Variants in COG3 observed in about 807,000 individuals in gnomAD.
COG3 encodes component of oligomeric golgi complex 3, also known as conserved oligomeric Golgi complex subunit 3.
COG3 carries 32 observed loss-of-function variants against 114.1 expected under a neutral mutation model. That is an observed-to-expected ratio of 0.28 (90% confidence interval 0.21 to 0.38). The LOEUF (loss-of-function observed/expected upper bound fraction) is 0.38, where lower values mean the gene tolerates loss of function less well. Ranked by LOEUF, COG3 falls within the 10% of genes least tolerant of loss-of-function variation. The pLI, the probability that COG3 is intolerant of heterozygous loss-of-function variation, is 1.00. For missense variants in COG3, 813 were observed against 973.2 expected (o/e 0.84, Z 2.19); for synonymous variants, 352 against 365.7 (o/e 0.96, Z 0.43).
chr13:45,480,099 A>C (rs758787509), intron 3 of COG3, 26 bp from the exon 4 acceptor site: 1 of 1,560,780 alleles, frequency 6.4e-7, no homozygotes, highest in Non-Finnish European at 8.7e-7. Flanking sequence ...GATTATTGCC[A>C]ATCCCCTTTT....
chr13:45,480,073 G>C, intron 3 of COG3, 52 bp from the exon 4 acceptor site: 6 of 1,480,108 alleles, frequency 4.1e-6, no homozygotes, highest in Non-Finnish European at 5.5e-6. Context: ...TTTTTACTGT[G>C]CTTATTGGGG....
At chr13:45,483,168 T>C in intron 6 of COG3, 62 bp from the exon 7 acceptor site, 1 of 1,372,758 alleles carries the variant, frequency 7.3e-7, no homozygotes, top group Non-Finnish European at 1.0e-6. Flanking sequence ...TGGTTTTCAC[T>C]AAAAGCTTGC....
At chr13:45,515,090 A>C (rs982560060) in intron 16 of COG3, among the ~76,000 whole-genome samples, 6 of 152,266 alleles carry the variant, frequency 3.9e-5, no homozygotes, top group African/African-American at 1.4e-4. Context: ...GCTGGATTAC[A>C]ATAGCTTTAG....
At chr13:45,473,235 C>CA (rs1311072432) in intron 1 of COG3, among the ~76,000 whole-genome samples, 1 of 152,166 alleles carries the variant, frequency 6.6e-6, no homozygotes, top group Non-Finnish European at 1.5e-5. Context: ...CCAGTGCTTG[C>CA]AGCCTGTCTC....
At chr13:45,519,427 A>C (rs969302558) in intron 19 of COG3, among the ~76,000 whole-genome samples, 4 of 152,208 alleles carry the variant, frequency 2.6e-5, no homozygotes, top group African/African-American at 9.7e-5. Flanking sequence ...CCTGCATGGC[A>C]GCAACCACAG....
intron 4 of COG3, among the ~76,000 whole-genome samples, chr13:45,480,573 T>C (rs1886187564): frequency 1.3e-5 from 2 of 152,260 alleles, no homozygotes; most frequent in South Asian, 2.1e-4. Flanking sequence ...ACTGACACTT[T>C]TATTTTTTAT....
chr13:45,506,556 A>G (rs1870173097), intron 14 of COG3, among the ~76,000 whole-genome samples: 2 of 152,160 alleles, frequency 1.3e-5, no homozygotes, highest in African/African-American at 2.4e-5. Context: ...TGCGAGTATT[A>G]AGAAAATCTG....
intron 15 of COG3, 98 bp downstream of exon 15, chr13:45,509,914 T>A: frequency 1.6e-6 from 2 of 1,229,058 alleles, no homozygotes; most frequent in Non-Finnish European, 2.2e-6. Flanking sequence ...TGGATATTCT[T>A]AAAATCATGA....
chr13:45,495,402 G>C (rs1007108822), intron 12 of COG3, among the ~76,000 whole-genome samples: 3 of 151,842 alleles, frequency 2.0e-5, no homozygotes, highest in Admixed American at 2.0e-4. Context: ...TTTTGAGACA[G>C]GGTCTTACTC....
intron 15 of COG3, 140 bp downstream of exon 15, chr13:45,509,956 C>T (rs1870674528): frequency 2.3e-6 from 2 of 876,154 alleles, no homozygotes; most frequent in Non-Finnish European, 3.4e-6. Flanking sequence ...TGAGGTCAAG[C>T]TAATTTAGGA....
intron 4 of COG3, among the ~76,000 whole-genome samples, chr13:45,480,606 C>A (rs1482989532): frequency 1.3e-5 from 2 of 152,048 alleles, no homozygotes; most frequent in African/African-American, 4.8e-5. Flanking sequence ...TGCTCTGTTG[C>A]CCAGGCTGGA....
At chr13:45,482,203 T>C (rs985423832) in intron 5 of COG3, among the ~76,000 whole-genome samples, 178 bp from the exon 6 acceptor site, 15 of 152,156 alleles carry the variant, frequency 9.9e-5, no homozygotes, top group African/African-American at 3.6e-4. Context: ...GCTTTTTCTG[T>C]TTGTCCCTTC....
At chr13:45,486,401 A>G (rs1886673530) in intron 7 of COG3, 94 bp from the exon 8 acceptor site, 1 of 756,982 alleles carries the variant, frequency 1.3e-6, no homozygotes, top group African/African-American at 1.8e-5. Context: ...TATGCAGGCC[A>G]AGCAGTAGCC....
In COG3 at chr13:45,504,201, A is replaced by T. The variant is rs1043899438; in HGVS notation, c.1594+852A>T. On this transcript the variant is annotated intron_variant, in intron 14 of 22. Coordinates refer to ENST00000349995, the MANE Select transcript of COG3 (RefSeq NM_031431.4). ...TCAAGATCCCCAGGTGAAGGGCATC[A>T]TCAGGTATTCTGAGTCTACTCTATA... 6.6e-5 allele frequency among the ~76,000 whole-genome samples: 10 copies of T among 152,316 alleles called. No homozygotes were observed. The East Asian group carries it at 7.7e-4, about 12-fold the overall frequency.
At chr13:45,482,327 C>A in intron 5 of COG3, 54 bp from the exon 6 acceptor site, 1 of 949,274 alleles carries the variant, frequency 1.1e-6, no homozygotes, top group Non-Finnish European at 1.6e-6. Flanking sequence ...TAGTTTCCAA[C>A]TTTTATCTGT....
chr13:45,528,724 A>G (rs1344375668), intron 20 of COG3, among the ~76,000 whole-genome samples: 1 of 152,306 alleles, frequency 6.6e-6, no homozygotes, highest in East Asian at 1.9e-4. Context: ...TCTGTATAGC[A>G]TATCCAACTT....
chr13:45,513,769 C>T (rs2137891114), intron 16 of COG3, among the ~76,000 whole-genome samples: 1 of 151,724 alleles, frequency 6.6e-6, no homozygotes, highest in Middle Eastern at 3.4e-3. Context: ...TGTGCCCGCA[C>T]ATTTTTGATA....
intron 13 of COG3, among the ~76,000 whole-genome samples, chr13:45,500,094 G>GTGTGTGTGTATA (rs1321310200): frequency 8.7e-6 from 1 of 114,840 alleles, no homozygotes; most frequent in African/African-American, 3.5e-5. Flanking sequence ...GTGTGTGTGT[G>GTGTGTGTGTATA]TATATATATA....
At chr13:45,505,494 G>A (rs1870035555) in intron 14 of COG3, among the ~76,000 whole-genome samples, 1 of 151,686 alleles carries the variant, frequency 6.6e-6, no homozygotes, top group African/African-American at 2.4e-5. Flanking sequence ...GTAGAGATGG[G>A]GTTTCACTAT....
Sources: allele counts gnomAD v4.1 joint callset (sites outside exome capture counted in the v4.1 genomes callset), GRCh38; gene constraint gnomAD v4.1.1; transcripts MANE v1.5; gene names NCBI Gene and HGNC (gene_info 2026-07-23, HGNC 2026-07-21).